Variants in TBC1D4 observed in about 807,000 individuals in gnomAD.
TBC1D4 encodes TBC1 domain family member 4.
TBC1D4 carries 121 observed loss-of-function variants against 142.5 expected under a neutral mutation model. That is an observed-to-expected ratio of 0.85 (90% CI 0.73 to 0.99). The LOEUF is 0.99. TBC1D4 is among the 50% of genes least tolerant of loss of function. The pLI is 0.00. For missense variants in TBC1D4, 1,475 were observed against 1,606.6 expected, an observed-to-expected ratio of 0.92 and a Z score of 1.40; for synonymous variants, 630 against 628.2, an observed-to-expected ratio of 1.00 and a Z score of -0.04.
At chr13:75,350,648 A>T (rs576810) in intron 4 of TBC1D4, among the ~76,000 whole-genome samples, 2 of 152,136 alleles carry the variant, frequency 1.3e-5, no homozygotes, top group South Asian at 4.1e-4. Flanking sequence ...TCCTTTATTT[A>T]TTCTTTCTTG....
In TBC1D4 at chr13:75,327,405, G is replaced by GA. The variant is rs1879354634; in HGVS notation, c.1806+346dup. Among the ~76,000 whole-genome samples, 3 of 152,008 alleles carry GA rather than the reference G, an allele frequency of 2.0e-5. 1 individual carries two copies. The East Asian group carries it at 5.8e-4, about 29-fold the overall frequency. ...AAATGATTTTTAAAAAATGAGGGGGGAAAATAACACGGGAAGGGAACAAAT... is the reference window on the plus strand; with the variant it reads ...AAATGATTTTTAAAAAATGAGGGGGGAAAAATAACACGGGAAGGGAACAAAT... On this transcript the variant is annotated intron_variant, in intron 9 of 20. Coordinates refer to ENST00000377636, the MANE Select transcript of TBC1D4 (RefSeq NM_014832.5).
chr13:75,451,947 TTAA>T (rs1037525638), intron 1 of TBC1D4, among the ~76,000 whole-genome samples: 2 of 152,046 alleles, frequency 1.3e-5, no homozygotes, highest in Non-Finnish European at 2.9e-5. Flanking sequence ...TGTACTTCAA[TTAA>T]TTTTATATTT....
At chr13:75,432,284 G>A (rs1306405652) in intron 1 of TBC1D4, among the ~76,000 whole-genome samples, 1 of 152,138 alleles carries the variant, frequency 6.6e-6, no homozygotes, top group Non-Finnish European at 1.5e-5. Flanking sequence ...AGGGATAAAT[G>A]TATTAACTGC....
intron 1 of TBC1D4, among the ~76,000 whole-genome samples, chr13:75,394,189 A>G (rs1185574048): frequency 1.3e-5 from 2 of 152,238 alleles, no homozygotes; most frequent in Non-Finnish European, 2.9e-5. Flanking sequence ...TAATTAACTT[A>G]GAGAAAGAAA....
chr13:75,409,624 G>T (rs1392389858), intron 1 of TBC1D4, among the ~76,000 whole-genome samples: 1 of 151,946 alleles, frequency 6.6e-6, no homozygotes. Context: ...ATTGACCCTT[G>T]GTGAAACTTC....
Position 75,481,281 on chromosome 13 carries a change from C to G in TBC1D4, c.487G>C (p.Asp163His). 1 of 1,428,684 alleles carries G rather than the reference C, an allele frequency of 7.0e-7. No homozygotes were observed. Among genetic ancestry groups the G allele is most frequent in the Non-Finnish European group, 9.4e-7 (1 of 1,062,856 alleles). 88.5% of individuals were successfully genotyped at this position (1,428,684 alleles called of 1,614,324 possible). A position where few individuals can be genotyped will look rare whatever the true frequency, so the allele number is the denominator to read the frequency against. The change falls in exon 1 of 21, where the codon GAC becomes CAC. Residue 163 changes from aspartate (D) to histidine (H), a missense_variant. Coordinates refer to ENST00000377636, the MANE Select transcript of TBC1D4 (RefSeq NM_014832.5). Reference sequence around the variant, plus strand: ...AGCCCCTGTCTTGCCTGGCTGGGGTCTGTGGCGCGGAAAACGTGGCAGGCC... The same window carrying G: ...AGCCCCTGTCTTGCCTGGCTGGGGTGTGTGGCGCGGAAAACGTGGCAGGCC... ...QMACHVFRATDPSQVPDVISS... is the reference protein window; with the variant it reads ...QMACHVFRATHPSQVPDVISS...
At chr13:75,439,208 G>A (rs1305050753) in intron 1 of TBC1D4, among the ~76,000 whole-genome samples, 1 of 152,094 alleles carries the variant, frequency 6.6e-6, no homozygotes, top group Non-Finnish European at 1.5e-5. Context: ...ATTTCTTTAT[G>A]CTTCATAACT....
At chr13:75,464,683 C>G (rs1203537547) in intron 1 of TBC1D4, among the ~76,000 whole-genome samples, 1 of 152,196 alleles carries the variant, frequency 6.6e-6, no homozygotes, top group African/African-American at 2.4e-5. Flanking sequence ...CGGCACCTGG[C>G]AAATGCCCTT....
intron 1 of TBC1D4, among the ~76,000 whole-genome samples, chr13:75,427,322 G>T (rs529781508): frequency 6.6e-6 from 1 of 152,032 alleles, no homozygotes; most frequent in Non-Finnish European, 1.5e-5. Flanking sequence ...TGATCCACCC[G>T]CCTCGGCCCA....
At chr13:75,319,930 A>T (rs1878613082) in intron 12 of TBC1D4, 84 bp downstream of exon 12, 1 of 1,494,000 alleles carries the variant, frequency 6.7e-7, no homozygotes, top group Non-Finnish European at 9.2e-7. Context: ...AGACAAACAA[A>T]ACTGCTTTTT....
At chr13:75,436,139 C>T (rs926895168) in intron 1 of TBC1D4, among the ~76,000 whole-genome samples, 2 of 152,140 alleles carry the variant, frequency 1.3e-5, no homozygotes, top group Non-Finnish European at 2.9e-5. Context: ...AAGGGCACTT[C>T]CCCTGCACAT....
chr13:75,346,639 T>C (rs557809082), intron 5 of TBC1D4, among the ~76,000 whole-genome samples: 88 of 152,336 alleles, frequency 5.8e-4, no homozygotes, highest in African/African-American at 2.0e-3. Flanking sequence ...ACAGAATGAT[T>C]TATAATCCTT....
intron 1 of TBC1D4, among the ~76,000 whole-genome samples, chr13:75,473,350 T>C (rs955671490): frequency 1.3e-5 from 2 of 152,180 alleles, no homozygotes; most frequent in East Asian, 3.8e-4. Flanking sequence ...GAAGATACAA[T>C]TGTAAGATAC....
chr13:75,372,592 CAT>C lies in TBC1D4; in HGVS notation c.499-9987_499-9986del, dbSNP rs533507629. On this transcript the variant is annotated intron_variant, in intron 1 of 20. Coordinates refer to ENST00000377636, the MANE Select transcript of TBC1D4 (RefSeq NM_014832.5). ...GCCCTAAGGCTCATTTTTTGAAAAA[CAT>C]AGTTCAACACCACTTGTACTTGCTC... 9.9e-5 allele frequency among the ~76,000 whole-genome samples: 15 copies of C among 152,224 alleles called. No homozygotes were observed. The South Asian group carries it at 3.1e-3, about 32-fold the overall frequency.
At chr13:75,462,302 C>G (rs1482362722) in intron 1 of TBC1D4, among the ~76,000 whole-genome samples, 1 of 152,106 alleles carries the variant, frequency 6.6e-6, no homozygotes, top group Non-Finnish European at 1.5e-5. Flanking sequence ...AAGCCTCACC[C>G]CACATCTACA....
intron 1 of TBC1D4, among the ~76,000 whole-genome samples, chr13:75,425,313 TA>T (rs1266901480): frequency 6.6e-6 from 1 of 152,002 alleles, no homozygotes; most frequent in African/African-American, 2.4e-5. Context: ...ATGGTTATTA[TA>T]AAAAAAGATG....
Position 75,327,745 on chromosome 13 carries a change from TAGA to T in TBC1D4, c.1806+4_1806+6del. 1 of 1,613,978 alleles carries T rather than the reference TAGA, an allele frequency of 6.2e-7. No homozygotes were observed. The highest frequency in any genetic ancestry group is 1.1e-5 in the South Asian group (1 of 91,082). On this transcript the variant is annotated splice_donor_5th_base_variant and intron_variant, in intron 9 of 20. Transcript: ENST00000377636. ...GCAATTAGTGTAAACAAGCTCTAGT[TAGA>T]TACCTTCTCTGAAGCAAGACTGTTG...
chr13:75,330,908 G>A (rs960756703), intron 8 of TBC1D4, among the ~76,000 whole-genome samples: 15 of 152,134 alleles, frequency 9.9e-5, no homozygotes, highest in Admixed American at 5.9e-4. Flanking sequence ...TATTTTTAGC[G>A]CTACTTACAC....
Position 75,481,751 on chromosome 13 carries a change from C to T in TBC1D4, c.17G>A (p.Cys6Tyr). Residue 6 changes from cysteine to tyrosine, a missense_variant, in exon 1 of 21, where the codon TGC becomes TAC. Cys to Tyr is a radical substitution (Grantham distance 194, BLOSUM62 -2). Around this residue, in one of 2 missense-constraint regions of TBC1D4, gnomAD observed 1,227 missense variants for 1,267.7 expected, o/e 0.97. Transcript: ENST00000377636. ...GTGCGGGAACGGCTCATCCTGAATG[C>T]AGCTGGGCGGCTCCATAACTCTCGC... MEPPS[C>Y]IQDEPFPHPL... 1 of 1,587,610 alleles carries T rather than the reference C, an allele frequency of 6.3e-7. No homozygotes were observed. The highest frequency in any genetic ancestry group is 8.5e-7 in the Non-Finnish European group (1 of 1,170,764).
Sources: allele counts gnomAD v4.1 joint callset (sites outside exome capture counted in the v4.1 genomes callset), GRCh38; gene constraint gnomAD v4.1.1; regional missense constraint gnomAD v4.1.1; transcripts MANE v1.5; gene names NCBI Gene and HGNC (gene_info 2026-07-23, HGNC 2026-07-21).